MCTP1: variants seen among roughly 807,000 people sequenced by gnomAD.
MCTP1 encodes the protein multiple C2 and transmembrane domain-containing protein 1.
A neutral mutation model predicts 120.6 loss-of-function variants in MCTP1; 69 were observed. That is an observed-to-expected ratio of 0.57 (90% confidence interval 0.47 to 0.70). The LOEUF (loss-of-function observed/expected upper bound fraction) is 0.70, where lower values mean the gene tolerates loss of function less well. MCTP1 is among the 30% of genes least tolerant of loss of function. The probability of loss-of-function intolerance (pLI) is 0.00; values close to 1 mark genes in which losing one functional copy is unlikely to be tolerated. For synonymous variants in MCTP1, 529 were observed against 493.1 expected (o/e 1.07, Z -0.96); for missense variants, 1,203 against 1,248.8 (o/e 0.96, Z 0.55).
chr5:95,026,089 AC>A (rs1839207901), intron 1 of MCTP1, among the ~76,000 whole-genome samples: 1 of 152,114 alleles, frequency 6.6e-6, no homozygotes, highest in Non-Finnish European at 1.5e-5. Flanking sequence ...AATTTTCATT[AC>A]AGGAAAAAAT....
intron 18 of MCTP1, among the ~76,000 whole-genome samples, chr5:94,779,968 G>A (rs911369267): frequency 5.9e-5 from 9 of 152,036 alleles, no homozygotes; most frequent in Non-Finnish European, 7.4e-5. Flanking sequence ...CATTCAGAAT[G>A]GGACTTCACT....
At chr5:95,122,291 G>A (rs1418268764) in intron 1 of MCTP1, among the ~76,000 whole-genome samples, 3 of 152,022 alleles carry the variant, frequency 2.0e-5, no homozygotes, top group Non-Finnish European at 2.9e-5. Flanking sequence ...GAGCTCAAAC[G>A]ACTCTATAGG....
intron 1 of MCTP1, among the ~76,000 whole-genome samples, chr5:95,196,203 C>T (rs944940964): frequency 3.3e-5 from 5 of 152,106 alleles, no homozygotes; most frequent in South Asian, 2.1e-4. Context: ...TGCAGGGATA[C>T]GGCTTATACT....
intron 19 of MCTP1, among the ~76,000 whole-genome samples, chr5:94,772,939 C>T (rs1774411976): frequency 6.6e-6 from 1 of 152,168 alleles, no homozygotes; most frequent in Non-Finnish European, 1.5e-5. Flanking sequence ...GGCTGAACCA[C>T]AGTCTCCTCA....
chr5:95,226,958 A>G (rs545941544), intron 1 of MCTP1, among the ~76,000 whole-genome samples: 116 of 152,180 alleles, frequency 7.6e-4, no homozygotes, highest in Non-Finnish European at 6.6e-4. Context: ...TAGGCCCCTC[A>G]AAAAGAAAAG....
At chr5:94,738,470 G>A (rs1409458899) in intron 19 of MCTP1, among the ~76,000 whole-genome samples, 1 of 152,140 alleles carries the variant, frequency 6.6e-6, no homozygotes, top group Non-Finnish European at 1.5e-5. Flanking sequence ...GATGTGGCCT[G>A]TGAACACACA....
intron 8 of MCTP1, 148 bp from the exon 9 acceptor site, chr5:94,913,124 A>T (rs168709): frequency 0.34 from 90,085 of 268,640 alleles, 16,661 homozygotes; most frequent in Admixed American, 0.37. Context: ...ATGAATTATT[A>T]ATTAATTATA....
chr5:95,066,801 T>C lies in MCTP1; in HGVS notation c.721-49317A>G, dbSNP rs546618402. On this transcript the variant is annotated intron_variant, in intron 1 of 22. Coordinates refer to ENST00000515393, the MANE Select transcript of MCTP1 (RefSeq NM_024717.7). ...TGTGGAATCTAAAAAGTTGATCCCA[T>C]AGAAAGTGCAGTGGGGACCGGGGGC... 6.6e-5 allele frequency among the ~76,000 whole-genome samples: 10 copies of C among 152,246 alleles called. No individual in the cohort carries two copies. In the South Asian group the frequency reaches 8.3e-4, roughly 13 times the overall value.
chr5:94,715,244 A>C (rs890371328), intron 19 of MCTP1, among the ~76,000 whole-genome samples: 4 of 151,752 alleles, frequency 2.6e-5, no homozygotes, highest in Non-Finnish European at 2.9e-5. Context: ...CTGATACACT[A>C]CTTAGTGGAC....
chr5:95,249,925 C>T (rs1241634766), intron 1 of MCTP1, among the ~76,000 whole-genome samples: 1 of 152,176 alleles, frequency 6.6e-6, no homozygotes, highest in Non-Finnish European at 1.5e-5. Flanking sequence ...GCAAGCACCG[C>T]ATGCTCTCAC....
intron 19 of MCTP1, among the ~76,000 whole-genome samples, chr5:94,744,772 C>T (rs777805302): frequency 1.3e-5 from 2 of 152,068 alleles, no homozygotes; most frequent in South Asian, 2.1e-4. Context: ...CGGCCTCCAA[C>T]GTGCTGGGAT....
intron 1 of MCTP1, among the ~76,000 whole-genome samples, chr5:95,037,796 T>C (rs546679282): frequency 5.3e-4 from 81 of 152,180 alleles, no homozygotes; most frequent in African/African-American, 1.7e-3. Context: ...CGTGAACCCA[T>C]GAGGCGGAGG....
chr5:95,038,839 C>T (rs578146961), intron 1 of MCTP1, among the ~76,000 whole-genome samples: 2 of 152,292 alleles, frequency 1.3e-5, no homozygotes, highest in Non-Finnish European at 2.9e-5. Context: ...AGTCATGAGG[C>T]TTGAGATTTT....
intron 1 of MCTP1, among the ~76,000 whole-genome samples, chr5:95,121,080 C>T (rs558302051): frequency 1.8e-4 from 27 of 152,056 alleles, no homozygotes; most frequent in African/African-American, 6.0e-4. Context: ...AGATCGAGAC[C>T]ATCCTGGCTA....
chr5:95,271,756 CAT>C (rs1235249076), intron 1 of MCTP1, among the ~76,000 whole-genome samples: 1 of 151,542 alleles, frequency 6.6e-6, no homozygotes, highest in Non-Finnish European at 1.5e-5. Context: ...AATTACAAAA[CAT>C]TATATATATT....
chr5:94,798,226 A>G (rs1780483480), intron 18 of MCTP1, among the ~76,000 whole-genome samples: 1 of 151,764 alleles, frequency 6.6e-6, no homozygotes, highest in African/African-American at 2.4e-5. Flanking sequence ...TGGAGAGGAC[A>G]CTCCCCTCAT....
chr5:94,922,508 A>T (rs1246365839), intron 7 of MCTP1, among the ~76,000 whole-genome samples: 1 of 148,372 alleles, frequency 6.7e-6, no homozygotes, highest in Non-Finnish European at 1.5e-5. Flanking sequence ...TTTTTTTTGA[A>T]ATGGAGTTTT....
At chr5:95,084,088 G>C (rs993823556) in intron 1 of MCTP1, among the ~76,000 whole-genome samples, 5 of 152,082 alleles carry the variant, frequency 3.3e-5, no homozygotes, top group African/African-American at 7.2e-5. Flanking sequence ...CTGTGGACAC[G>C]TGGTTAGGTC....
intron 2 of MCTP1, among the ~76,000 whole-genome samples, chr5:94,989,448 A>T (rs1308256150): frequency 3.9e-5 from 6 of 152,236 alleles, no homozygotes; most frequent in African/African-American, 1.2e-4. Flanking sequence ...AAGAGACAAA[A>T]TAAGAAATGT....
Sources: allele counts gnomAD v4.1 joint callset (sites outside exome capture counted in the v4.1 genomes callset), GRCh38; gene constraint gnomAD v4.1.1; transcripts MANE v1.5; gene names NCBI Gene and HGNC (gene_info 2026-07-23, HGNC 2026-07-21).